IRAK2: variants seen among roughly 807,000 people sequenced by gnomAD.
IRAK2 encodes the protein interleukin-1 receptor-associated kinase-like 2.
Under a neutral mutation model 72.0 loss-of-function variants are expected in IRAK2, and 57 were observed. That is an observed-to-expected ratio of 0.79 (90% CI 0.64 to 0.99). The LOEUF is 0.99. Ranked by LOEUF, IRAK2 falls within the 50% of genes least tolerant of loss-of-function variation. The probability of loss-of-function intolerance (pLI) is 0.00; values close to 1 mark genes in which losing one functional copy is unlikely to be tolerated. For synonymous variants in IRAK2, 293 were observed against 312.7 expected, an observed-to-expected ratio of 0.94 and a Z score of 0.67; for missense variants, 790 against 794.4, an observed-to-expected ratio of 0.99 and a Z score of 0.07.
intron 7 of IRAK2, among the ~76,000 whole-genome samples, 176 bp from the exon 8 acceptor site, chr3:10,219,504 G>C (rs1697655102): frequency 6.6e-6 from 1 of 152,050 alleles, no homozygotes. Context: ...ATTTTTAGTA[G>C]AGATGGGGTT....
At chr3:10,240,016 G>A (rs751989557) in intron 12 of IRAK2, among the ~76,000 whole-genome samples, 18 of 151,534 alleles carry the variant, frequency 1.2e-4, no homozygotes, top group Non-Finnish European at 1.5e-4. Context: ...GCATGGTGGC[G>A]TGTGCCTGTA....
In IRAK2 at chr3:10,242,112, T is replaced by C; in HGVS notation, c.1766-4T>C. On this transcript the variant is annotated splice_polypyrimidine_tract_variant and splice_region_variant and intron_variant, in intron 12 of 12. Coordinates refer to ENST00000256458, the MANE Select transcript of IRAK2 (RefSeq NM_001570.4). Reference sequence around the variant, plus strand: ...GCTCTTGTTTGCTTTCTGTTGAACATCAGTTACAGAAACTTCGTGGCAAAT... The same window carrying C: ...GCTCTTGTTTGCTTTCTGTTGAACACCAGTTACAGAAACTTCGTGGCAAAT... 1.3e-6 allele frequency: 2 copies of C among 1,538,030 alleles called. No homozygotes were observed. Among genetic ancestry groups the C allele is most frequent in the Non-Finnish European group, 1.8e-6 (2 of 1,114,370 alleles).
chr3:10,165,263 G>A (rs1415782494), intron 1 of IRAK2, among the ~76,000 whole-genome samples: 1 of 152,192 alleles, frequency 6.6e-6, no homozygotes, highest in East Asian at 1.9e-4. Context: ...GACGAGCAGG[G>A]GCCGCCGCCA....
At chr3:10,209,553 G>A (rs750865651) in intron 3 of IRAK2, 36 bp from the exon 4 acceptor site, 40 of 1,382,002 alleles carry the variant, frequency 2.9e-5, no homozygotes, top group African/African-American at 1.6e-4. Flanking sequence ...CTTCCTCCCC[G>A]AGGCTGCATC....
intron 10 of IRAK2, among the ~76,000 whole-genome samples, chr3:10,230,429 C>T (rs987640417): frequency 6.6e-6 from 1 of 152,054 alleles, no homozygotes; most frequent in Admixed American, 6.6e-5. Context: ...CTCAAGGGAT[C>T]CTCCCACCTT....
At chr3:10,191,564 G>T (rs755921354) in intron 2 of IRAK2, among the ~76,000 whole-genome samples, 1 of 152,062 alleles carries the variant, frequency 6.6e-6, no homozygotes, top group Admixed American at 6.6e-5. Flanking sequence ...CTTCACTTGC[G>T]GGGATATGCC....
chr3:10,219,789 G>T lies in IRAK2; in HGVS notation c.1013G>T (p.Ser338Ile), dbSNP rs778658566. The stretch of plus-strand genomic sequence containing the variant: ...GAGATCATCCACAGCAACGTCAAGA[G>T]GTGAGAGAGGTGGGCTGGACCCTGC... ...GLEIIHSNVK[S>I]SNVLLDQNLT... is the part of the protein sequence containing the mutation. The change falls in exon 8 of 13, where the codon AGC becomes ATC. Residue 338 changes from serine (S) to isoleucine (I), a missense_variant and splice_region_variant. Physicochemically the swap from Ser to Ile is moderately radical, Grantham distance 142. Transcript: ENST00000256458. 6.2e-7 allele frequency: 1 copy of T among 1,606,614 alleles called. No individual in the cohort carries two copies. The highest frequency in any genetic ancestry group is 8.5e-7 in the Non-Finnish European group (1 of 1,173,268).
In IRAK2 at chr3:10,242,145, A is replaced by G. The variant is rs1186752918; in HGVS notation, c.1795A>G (p.Asn599Asp). Residue 599 changes from asparagine to aspartate, a missense_variant, in exon 13 of 13, where the codon AAT becomes GAT. Physicochemically the swap from Asn to Asp is conservative, Grantham distance 23. Coordinates refer to ENST00000256458, the MANE Select transcript of IRAK2 (RefSeq NM_001570.4). ...AGAAACTTCGTGGCAAATTGAGATCAATGAGGCCAAAAGGAAACTGATGGA... is the reference window on the plus strand; with the variant it reads ...AGAAACTTCGTGGCAAATTGAGATCGATGAGGCCAAAAGGAAACTGATGGA... ...VTETSWQIEI[N>D]EAKRKLMENI... The G allele has an allele frequency of 8.1e-6, 13 of 1,613,142 alleles. No homozygotes were observed. The Admixed American group carries it at 1.2e-4, about 14-fold the overall frequency.
chr3:10,238,666 C>A (rs867447093), intron 11 of IRAK2, 82 bp from the exon 12 acceptor site: 4 of 1,360,164 alleles, frequency 2.9e-6, no homozygotes, highest in Non-Finnish European at 4.1e-6. Flanking sequence ...TCCCCGCCCC[C>A]TCTCTGCTGG....
chr3:10,232,655 T>C (rs1295953540), intron 10 of IRAK2, among the ~76,000 whole-genome samples: 2 of 152,150 alleles, frequency 1.3e-5, no homozygotes, highest in African/African-American at 2.4e-5. Context: ...ATAGCAATGA[T>C]GGCAGGTTTC....
intron 12 of IRAK2, 36 bp from the exon 13 acceptor site, chr3:10,242,080 T>C: frequency 8.2e-7 from 1 of 1,218,158 alleles, no homozygotes; most frequent in Non-Finnish European, 1.2e-6. Context: ...TAACTTTCAT[T>C]CAAGTCGCTC....
At chr3:10,230,572 T>C (rs1415589612) in intron 10 of IRAK2, among the ~76,000 whole-genome samples, 1 of 152,068 alleles carries the variant, frequency 6.6e-6, no homozygotes, top group East Asian at 1.9e-4. Context: ...TGTTAACTAT[T>C]AGTATTATCA....
chr3:10,169,390 C>G (rs1696755606), intron 1 of IRAK2, among the ~76,000 whole-genome samples: 1 of 152,184 alleles, frequency 6.6e-6, no homozygotes, highest in Admixed American at 6.6e-5. Flanking sequence ...CATCCCTTAT[C>G]TCAACTGCAT....
intron 1 of IRAK2, among the ~76,000 whole-genome samples, chr3:10,171,226 C>T (rs558811366): frequency 1.3e-5 from 2 of 152,300 alleles, no homozygotes; most frequent in East Asian, 1.9e-4. Context: ...TGTGGCCGTT[C>T]CCCGTCTCGT....
chr3:10,198,893 C>T (rs1234481203), intron 2 of IRAK2, among the ~76,000 whole-genome samples: 1 of 152,060 alleles, frequency 6.6e-6, no homozygotes, highest in African/African-American at 2.4e-5. Context: ...GACTTCAGTG[C>T]CCCAGTTTTT....
intron 3 of IRAK2, among the ~76,000 whole-genome samples, chr3:10,206,046 T>C (rs1051093473): frequency 6.6e-6 from 1 of 152,048 alleles, no homozygotes; most frequent in Non-Finnish European, 1.5e-5. Context: ...CAGGATAGGA[T>C]TTCATCAACA....
rs890374123 is a variant in IRAK2 at position 10,227,218 on chromosome 3, C to T, written c.1272+785C>T. 1.2e-4 allele frequency among the ~76,000 whole-genome samples: 18 copies of T among 151,992 alleles called. No homozygotes were observed. The South Asian group carries it at 1.9e-3, about 16-fold the overall frequency. The stretch of plus-strand genomic sequence containing the variant: ...CCCAGCACTTTGGAGGAGGCCAAGG[C>T]GGGCGGATCACTTGAGGCTGGGAGT... On this transcript the variant is annotated intron_variant, in intron 10 of 12. Coordinates refer to ENST00000256458, the MANE Select transcript of IRAK2 (RefSeq NM_001570.4).
At chr3:10,241,782 A>C (rs1192435731) in intron 12 of IRAK2, among the ~76,000 whole-genome samples, 1 of 132,028 alleles carries the variant, frequency 7.6e-6, no homozygotes, top group Non-Finnish European at 1.6e-5. Context: ...AGCCTGAGCA[A>C]CAGAGTGAGA....
In IRAK2 at chr3:10,209,694, T is replaced by G. The variant is rs745614113; in HGVS notation, c.528+2T>G. ...CTCCCCACTTCGTCTGATTCAAAGGTAAATCCACCCCTCGGCTGCAGCCCC... is the reference window on the plus strand; with the variant it reads ...CTCCCCACTTCGTCTGATTCAAAGGGAAATCCACCCCTCGGCTGCAGCCCC... On this transcript the variant is annotated splice_donor_variant, in intron 4 of 12. Coordinates refer to ENST00000256458, the MANE Select transcript of IRAK2 (RefSeq NM_001570.4). LOFTEE classifies it high-confidence loss of function. The G allele has an allele frequency of 6.7e-7, 1 of 1,484,002 alleles. No individual in the cohort carries two copies. Among genetic ancestry groups the G allele is most frequent in the African/African-American group, 1.4e-5 (1 of 69,136 alleles). 91.9% of individuals were successfully genotyped at this position (1,484,002 alleles called of 1,614,324 possible). A position where few individuals can be genotyped will look rare whatever the true frequency, so the allele number is the denominator to read the frequency against.
Sources: allele counts gnomAD v4.1 joint callset (sites outside exome capture counted in the v4.1 genomes callset), GRCh38; gene constraint gnomAD v4.1.1; transcripts MANE v1.5; gene names NCBI Gene and HGNC (gene_info 2026-07-23, HGNC 2026-07-21).